ASTN2: variants seen among roughly 807,000 people sequenced by gnomAD.
The protein encoded by ASTN2 is astrotactin 2, also known as astrotactin-2.
In ASTN2, 54 loss-of-function variants were observed where a neutral mutation model predicts 139.8. The observed-to-expected ratio is 0.39, with a 90% CI of 0.31 to 0.48. ASTN2 has a LOEUF of 0.48. Among genes scored for constraint, ASTN2 ranks in the 20% least tolerant of loss-of-function variants. The pLI is 0.95. For synonymous variants in ASTN2, 756 were observed against 719.5 expected, an observed-to-expected ratio of 1.05 and a Z score of -0.81; for missense variants, 1,565 against 1,725.1, an observed-to-expected ratio of 0.91 and a Z score of 1.64.
intron 13 of ASTN2, among the ~76,000 whole-genome samples, chr9:116,765,725 G>C (rs1178705084): frequency 6.6e-6 from 1 of 151,936 alleles, no homozygotes; most frequent in African/African-American, 2.4e-5. Context: ...AAATCTCTAG[G>C]GGGTATTATT....
intron 20 of ASTN2, among the ~76,000 whole-genome samples, chr9:116,468,500 C>T (rs1473128845): frequency 1.3e-5 from 2 of 152,186 alleles, no homozygotes; most frequent in Non-Finnish European, 2.9e-5. Context: ...TGGCTCATCT[C>T]TCACCCTCTG....
intron 19 of ASTN2, among the ~76,000 whole-genome samples, chr9:116,533,509 G>A (rs193134061): frequency 1.3e-5 from 2 of 152,214 alleles, no homozygotes; most frequent in East Asian, 1.9e-4. Flanking sequence ...GTCATAAATA[G>A]CTCTTATTAT....
chr9:116,632,347 C>T (rs1360843204), intron 17 of ASTN2, among the ~76,000 whole-genome samples: 1 of 139,106 alleles, frequency 7.2e-6, no homozygotes, highest in African/African-American at 2.6e-5. Context: ...AAAAAAAAGA[C>T]CTGTAATCTC....
intron 16 of ASTN2, among the ~76,000 whole-genome samples, chr9:116,701,878 G>T (rs1343355058): frequency 2.6e-5 from 3 of 114,792 alleles, no homozygotes; most frequent in African/African-American, 9.5e-5. Flanking sequence ...GCAGTTTTTT[G>T]GGTTTTTTTT....
chr9:116,669,707 A>T (rs964021151), intron 16 of ASTN2, among the ~76,000 whole-genome samples: 5 of 151,984 alleles, frequency 3.3e-5, no homozygotes, highest in African/African-American at 1.2e-4. Context: ...ACTTTCTCCC[A>T]GTCTTTGGCT....
chr9:116,640,541 G>T (rs534725693), intron 17 of ASTN2, among the ~76,000 whole-genome samples: 42 of 152,322 alleles, frequency 2.8e-4, no homozygotes, highest in South Asian at 1.9e-3. Context: ...ACAGGGAATA[G>T]CCTGTGCAAA....
chr9:116,537,471 T>C (rs951749890), intron 19 of ASTN2, among the ~76,000 whole-genome samples: 4 of 152,236 alleles, frequency 2.6e-5, no homozygotes, highest in Non-Finnish European at 5.9e-5. Flanking sequence ...ATGGACATTA[T>C]ATGAGACACA....
At chr9:117,182,623 G>C (rs1163076604) in intron 3 of ASTN2, among the ~76,000 whole-genome samples, 1 of 152,152 alleles carries the variant, frequency 6.6e-6, no homozygotes, top group East Asian at 1.9e-4. Context: ...CCTGACCTCA[G>C]ACTAAGCTGT....
chr9:116,505,663 G>A (rs530171543), intron 19 of ASTN2, among the ~76,000 whole-genome samples: 3 of 152,122 alleles, frequency 2.0e-5, no homozygotes, highest in Non-Finnish European at 4.4e-5. Context: ...GCGATGGGTC[G>A]GGGGCACTCA....
At chr9:117,378,152 CA>C (rs1204590972) in intron 1 of ASTN2, among the ~76,000 whole-genome samples, 1 of 152,106 alleles carries the variant, frequency 6.6e-6, no homozygotes, top group South Asian at 2.1e-4. Context: ...ATGAGAACAA[CA>C]AAAGGCTTGG....
intron 10 of ASTN2, among the ~76,000 whole-genome samples, chr9:116,936,787 C>T (rs987467925): frequency 3.4e-4 from 51 of 151,776 alleles, no homozygotes; most frequent in African/African-American, 1.1e-3. Flanking sequence ...AGCTTCACCT[C>T]GTTCTCATTT....
chr9:116,534,489 G>C (rs1851519778), intron 19 of ASTN2, among the ~76,000 whole-genome samples: 1 of 152,130 alleles, frequency 6.6e-6, no homozygotes, highest in South Asian at 2.1e-4. Flanking sequence ...GCTTTCTCTT[G>C]TGGGCATTTA....
chr9:116,885,224 G>A (rs914141242), intron 10 of ASTN2, among the ~76,000 whole-genome samples: 6 of 152,034 alleles, frequency 3.9e-5, no homozygotes, highest in African/African-American at 1.4e-4. Context: ...GACTGGAAAT[G>A]TCCCAACACA....
intron 19 of ASTN2, among the ~76,000 whole-genome samples, chr9:116,559,595 T>C (rs1295424611): frequency 1.3e-5 from 2 of 152,194 alleles, no homozygotes; most frequent in Non-Finnish European, 2.9e-5. Flanking sequence ...TTACAAAATA[T>C]ATGGTGTATG....
At chr9:116,978,607 G>A (rs1166270286) in intron 7 of ASTN2, among the ~76,000 whole-genome samples, 1 of 151,620 alleles carries the variant, frequency 6.6e-6, no homozygotes. Context: ...CCATGGAAAT[G>A]TATTACTTAA....
intron 20 of ASTN2, among the ~76,000 whole-genome samples, chr9:116,457,185 A>G (rs1848357825): frequency 6.6e-6 from 1 of 152,194 alleles, no homozygotes; most frequent in Non-Finnish European, 1.5e-5. Context: ...ATCTTTTACC[A>G]TATGCAAAAA....
At chr9:117,099,128 G>A (rs901398381) in intron 4 of ASTN2, among the ~76,000 whole-genome samples, 3 of 151,094 alleles carry the variant, frequency 2.0e-5, no homozygotes, top group African/African-American at 7.3e-5. Context: ...AAAAAAGGAG[G>A]GAGGAAGACT....
chr9:116,611,641 T>C (rs886840125), intron 19 of ASTN2: 4 of 152,056 alleles, frequency 2.6e-5, no homozygotes. Flanking sequence ...TCCAATAAAT[T>C]TGATAATTTA....
chr9:116,854,324 A>T (rs1245657270), intron 11 of ASTN2, among the ~76,000 whole-genome samples: 1 of 152,220 alleles, frequency 6.6e-6, no homozygotes, highest in Admixed American at 6.5e-5. Flanking sequence ...CCCATTGCGT[A>T]TGCATTCTCA....
Sources: gnomAD v4.1 joint callset for allele counts (sites outside exome capture counted in the v4.1 genomes callset) on GRCh38, gnomAD v4.1.1 for gene constraint, MANE v1.5 for transcripts, NCBI Gene and HGNC (gene_info 2026-07-23, HGNC 2026-07-21) for gene names.